Variants in RLF observed in about 807,000 individuals in gnomAD.
RLF encodes the protein RLF zinc finger.
In RLF, 7 loss-of-function variants were observed where a neutral mutation model predicts 162.9. The ratio of observed to expected loss-of-function variants is 0.04; its 90% CI spans 0.02 to 0.08. The LOEUF (loss-of-function observed/expected upper bound fraction) is 0.08. Ranked by LOEUF, RLF falls within the 10% of genes least tolerant of loss-of-function variation. RLF has a pLI of 1.00. For synonymous variants in RLF, 782 were observed against 791.5 expected, an observed-to-expected ratio of 0.99 and a Z score of 0.20; for missense variants, 1,664 against 2,244.7, an observed-to-expected ratio of 0.74 and a Z score of 5.23.
chr1:40,173,810 AG>A (rs1158966396), intron 1 of RLF, among the ~76,000 whole-genome samples: 4 of 152,054 alleles, frequency 2.6e-5, no homozygotes, highest in African/African-American at 9.7e-5. Flanking sequence ...CCACCGTGCC[AG>A]GCTGATCATG....
intron 5 of RLF, among the ~76,000 whole-genome samples, chr1:40,203,100 G>A (rs11589250): frequency 0.059 from 8,790 of 148,250 alleles, 385 homozygotes; most frequent in East Asian, 0.22. Flanking sequence ...TGGAAAATAA[G>A]GGTTGAGTCT....
chr1:40,238,184 A>G lies in RLF; in HGVS notation c.3482A>G (p.Gln1161Arg), dbSNP rs1372803158. The part of the protein sequence containing the change: ...KHNYSKEKVL[Q>R]LTMFQHRYSP... ...AATTATTCAAAAGAAAAAGTCCTTCAGTTAACCATGTTCCAACATCGGTAT... is the reference window on the plus strand; with the variant it reads ...AATTATTCAAAAGAAAAAGTCCTTCGGTTAACCATGTTCCAACATCGGTAT... The change falls in exon 8 of 8, where the codon CAG becomes CGG. Residue 1161 changes from glutamine to arginine, a missense_variant. Gln to Arg is a conservative substitution (Grantham distance 43). Around this residue, in one of 15 missense-constraint regions of RLF, gnomAD observed 30 missense variants for 116.5 expected, o/e 0.26. Transcript: ENST00000372771. This position sits in a 1 kb window ranked among gnomAD's most constrained non-coding sequence, Gnocchi z 5.2. 2.5e-6 allele frequency: 4 copies of G among 1,613,968 alleles called. No homozygotes were observed. In the African/African-American group the frequency reaches 5.3e-5, roughly 22 times the overall value.
chr1:40,210,724 C>G (rs1445703671), intron 5 of RLF, among the ~76,000 whole-genome samples: 1 of 152,132 alleles, frequency 6.6e-6, no homozygotes, highest in African/African-American at 2.4e-5. Context: ...CGGGCAAAAA[C>G]AGAGGAGGAT....
At chr1:40,185,301 C>G (rs1055370511) in intron 1 of RLF, among the ~76,000 whole-genome samples, 1 of 150,914 alleles carries the variant, frequency 6.6e-6, no homozygotes, top group African/African-American at 2.4e-5. Context: ...CGGCTACTTT[C>G]TGTATTTTTA....
chr1:40,185,845 A>AAAAAAAAAAAAAAAAAAAAAAC (rs1642472671), intron 1 of RLF, among the ~76,000 whole-genome samples: 1 of 21,120 alleles, frequency 4.7e-5, no homozygotes, highest in African/African-American at 1.6e-4. Flanking sequence ...AAAAAAAGCA[A>AAAAAAAAAAAAAAAAAAAAAAC]AAAAAAAAAA....
intron 1 of RLF, among the ~76,000 whole-genome samples, chr1:40,164,397 T>C (rs1425554089): frequency 6.6e-6 from 1 of 152,210 alleles, no homozygotes; most frequent in Non-Finnish European, 1.5e-5. Context: ...TGTCTCATTC[T>C]GGGCATATTT....
intron 5 of RLF, among the ~76,000 whole-genome samples, chr1:40,208,782 A>G (rs545776125): frequency 1.3e-4 from 20 of 152,310 alleles, no homozygotes; most frequent in Non-Finnish European, 2.5e-4. Flanking sequence ...ACACCACTGC[A>G]CTGCAGCCTA....
chr1:40,207,695 C>T (rs896716838), intron 5 of RLF, among the ~76,000 whole-genome samples: 1 of 152,146 alleles, frequency 6.6e-6, no homozygotes, highest in African/African-American at 2.4e-5. Context: ...ACTGCAGCCT[C>T]CACCTCCTGA....
chr1:40,200,488 A>G (rs1341853004), intron 4 of RLF, among the ~76,000 whole-genome samples: 1 of 152,204 alleles, frequency 6.6e-6, no homozygotes, highest in Non-Finnish European at 1.5e-5. Flanking sequence ...TAAATAAATT[A>G]TAGCACATCC....
At chr1:40,185,754 G>T (rs1221915746) in intron 1 of RLF, among the ~76,000 whole-genome samples, 1 of 144,956 alleles carries the variant, frequency 6.9e-6, no homozygotes, top group Admixed American at 6.8e-5. Flanking sequence ...CGTGAACCTG[G>T]GAGGTGGAGC....
chr1:40,189,219 A>G lies in RLF; in HGVS notation c.392+10A>G. The G allele has an allele frequency of 1.2e-6, 2 of 1,606,516 alleles. No individual in the cohort carries two copies. The highest frequency in any genetic ancestry group is 1.7e-6 in the Non-Finnish European group (2 of 1,175,522). Reference sequence around the variant, plus strand: ...TTGGCAGATTAGTACTGTAAGTTTGAGAACTTAAATCACTCTTAAAATTGA... The same window carrying G: ...TTGGCAGATTAGTACTGTAAGTTTGGGAACTTAAATCACTCTTAAAATTGA... On this transcript the variant is annotated intron_variant, in intron 2 of 7. Coordinates refer to ENST00000372771, the MANE Select transcript of RLF (RefSeq NM_012421.4).
chr1:40,197,427 A>G (rs1470017854), intron 4 of RLF, among the ~76,000 whole-genome samples: 1 of 152,202 alleles, frequency 6.6e-6, no homozygotes, highest in African/African-American at 2.4e-5. Context: ...TCCTATCCAG[A>G]TAAGTCTTGA....
intron 1 of RLF, among the ~76,000 whole-genome samples, chr1:40,173,959 G>A (rs960831701): frequency 1.3e-5 from 2 of 152,186 alleles, no homozygotes; most frequent in Admixed American, 6.5e-5. Flanking sequence ...CTCTGTGAGA[G>A]GTTTGTCAGT....
chr1:40,232,486 T>G (rs952301832), intron 7 of RLF, among the ~76,000 whole-genome samples: 4 of 152,182 alleles, frequency 2.6e-5, no homozygotes, highest in Non-Finnish European at 5.9e-5. Flanking sequence ...CAGGCTAAGT[T>G]CTATCAGAGG....
chr1:40,169,834 A>G (rs925119703), intron 1 of RLF, among the ~76,000 whole-genome samples: 3 of 151,348 alleles, frequency 2.0e-5, no homozygotes, highest in Non-Finnish European at 4.4e-5. Context: ...CTGGGATTAC[A>G]GGTGCTCATC....
intron 1 of RLF, among the ~76,000 whole-genome samples, chr1:40,167,067 A>G (rs1314724073): frequency 6.6e-6 from 1 of 152,172 alleles, no homozygotes; most frequent in Non-Finnish European, 1.5e-5. Context: ...TCTTGGAGAC[A>G]TTATTTATCA....
chr1:40,222,663 G>A lies in RLF; in HGVS notation c.900G>A (p.Thr300=), dbSNP rs769581201. ...ATAACACAGCATTTGTTCTTTGTAC[G>A]ACTTACCTTACCCAGCAGCTCCAAA... is the stretch of plus-strand genomic sequence containing the variant. ...GQDNTAFVLC[T]TYLTQQLQTA... is the part of the protein sequence containing the mutation. The change falls in exon 6 of 8, where the codon ACG becomes ACA. Residue 300 remains threonine, a synonymous_variant. Coordinates refer to ENST00000372771, the MANE Select transcript of RLF (RefSeq NM_012421.4). 14 of 1,613,406 alleles carry A rather than the reference G, an allele frequency of 8.7e-6. No individual in the cohort carries two copies. The Admixed American group carries it at 1.3e-4, about 15-fold the overall frequency.
intron 7 of RLF, among the ~76,000 whole-genome samples, chr1:40,233,917 T>C (rs1239078512): frequency 6.6e-6 from 1 of 152,208 alleles, no homozygotes; most frequent in Non-Finnish European, 1.5e-5. Context: ...CCTTTTCACC[T>C]ACCAGTCCAC....
intron 5 of RLF, among the ~76,000 whole-genome samples, chr1:40,221,640 A>C (rs1013803863): frequency 1.3e-4 from 19 of 150,636 alleles, no homozygotes; most frequent in South Asian, 2.1e-4. Context: ...GTGGCTCACG[A>C]CTGTAATCCC....
Sources: gnomAD v4.1 joint callset for allele counts (sites outside exome capture counted in the v4.1 genomes callset) on GRCh38, gnomAD v4.1.1 for gene constraint, gnomAD v4.1.1 regional missense constraint, Gnocchi (gnomAD v3.1) non-coding constraint, MANE v1.5 for transcripts, NCBI Gene and HGNC (gene_info 2026-07-23, HGNC 2026-07-21) for gene names.